CNTN1: variants seen among roughly 807,000 people sequenced by gnomAD.
CNTN1 encodes the protein contactin 1.
Under a neutral mutation model 126.4 loss-of-function variants are expected in CNTN1, and 38 were observed. The ratio of observed to expected loss-of-function variants is 0.30; its 90% CI spans 0.23 to 0.39. The LOEUF (loss-of-function observed/expected upper bound fraction) is 0.39, where lower values mean the gene tolerates loss of function less well. Ranked by LOEUF, CNTN1 falls within the 10% of genes least tolerant of loss-of-function variation. CNTN1 has a pLI of 1.00. For missense variants in CNTN1, 1,009 were observed against 1,248.4 expected (o/e 0.81, Z 2.89); for synonymous variants, 413 against 422.6 (o/e 0.98, Z 0.28).
At chr12:40,720,736 G>A (rs1423893581) in intron 1 of CNTN1, among the ~76,000 whole-genome samples, 1 of 152,024 alleles carries the variant, frequency 6.6e-6, no homozygotes, top group Non-Finnish European at 1.5e-5. Flanking sequence ...AGACCATCCT[G>A]GCCAACATGG....
At chr12:41,024,721 C>T (rs1389429495) in intron 20 of CNTN1, among the ~76,000 whole-genome samples, 2 of 152,058 alleles carry the variant, frequency 1.3e-5, no homozygotes, top group African/African-American at 4.8e-5. Context: ...AATTATATTC[C>T]TCTCCAACTG....
chr12:40,838,117 G>T (rs2136572515), intron 1 of CNTN1, among the ~76,000 whole-genome samples: 1 of 152,310 alleles, frequency 6.6e-6, no homozygotes, highest in Non-Finnish European at 1.5e-5. Context: ...GCCCGGCATT[G>T]CATCTGCAAG....
intron 15 of CNTN1, among the ~76,000 whole-genome samples, chr12:40,977,772 TTTTGTTTTGTTTTGTTTTGTTTTGTTTTG>T (rs1947717905): frequency 1.4e-5 from 2 of 145,364 alleles, no homozygotes; most frequent in African/African-American, 2.6e-5. Context: ...ATCTGTTTTG[TTTTGTTTTGTTTTGTTTTGTTTTGTTTTG>T]TTTTGTTTTG....
At chr12:40,901,859 C>T (rs4767992) in intron 1 of CNTN1, among the ~76,000 whole-genome samples, 92,191 of 152,048 alleles carry the variant, frequency 0.61, 28,256 homozygotes, top group African/African-American at 0.69. Context: ...CAATAAGCTG[C>T]TTAAACATTG....
At chr12:40,710,212 T>C (rs1591997540) in intron 1 of CNTN1, among the ~76,000 whole-genome samples, 1 of 152,074 alleles carries the variant, frequency 6.6e-6, no homozygotes, top group African/African-American at 2.4e-5. Context: ...CATTGTAGGG[T>C]TATCTGAACT....
chr12:40,904,934 C>CT (rs1216531680), intron 1 of CNTN1, among the ~76,000 whole-genome samples: 1 of 152,212 alleles, frequency 6.6e-6, no homozygotes, highest in East Asian at 1.9e-4. Context: ...TTACTGAATA[C>CT]TTTCAGTCAA....
At chr12:41,025,082 G>T in intron 20 of CNTN1, 68 bp from the exon 21 acceptor site, 1 of 1,491,656 alleles carries the variant, frequency 6.7e-7, no homozygotes, top group Non-Finnish European at 9.3e-7. Context: ...AGAACCAGTT[G>T]AAGAGAACTT....
chr12:40,714,527 G>A (rs1207072218), intron 1 of CNTN1, among the ~76,000 whole-genome samples: 1 of 152,078 alleles, frequency 6.6e-6, no homozygotes, highest in Non-Finnish European at 1.5e-5. Flanking sequence ...TAGAGGTTGA[G>A]ATCAATATTA....
At chr12:41,067,469 C>A (rs1299975240) in intron 23 of CNTN1, among the ~76,000 whole-genome samples, 3 of 151,948 alleles carry the variant, frequency 2.0e-5, no homozygotes, top group Non-Finnish European at 4.4e-5. Flanking sequence ...CAGTCATCCT[C>A]AGACAAAAAA....
intron 6 of CNTN1, among the ~76,000 whole-genome samples, chr12:40,926,240 G>A (rs74557243): frequency 0.033 from 5,007 of 149,544 alleles, 131 homozygotes; most frequent in Non-Finnish European, 0.054. Context: ...AGGGAAGTGG[G>A]GAGAGTAAGT....
intron 1 of CNTN1, among the ~76,000 whole-genome samples, chr12:40,814,075 C>T (rs1179192518): frequency 6.6e-6 from 1 of 151,984 alleles, no homozygotes; most frequent in Non-Finnish European, 1.5e-5. Flanking sequence ...CGTTTAAGTT[C>T]CCTATAAATT....
At chr12:41,038,587 G>T (rs1421495315) in intron 23 of CNTN1, among the ~76,000 whole-genome samples, 1 of 152,088 alleles carries the variant, frequency 6.6e-6, no homozygotes, top group Admixed American at 6.6e-5. Flanking sequence ...GTACTAGGGG[G>T]TTAGAACTTC....
intron 1 of CNTN1, among the ~76,000 whole-genome samples, chr12:40,693,704 C>T (rs755400380): frequency 6.6e-6 from 1 of 152,152 alleles, no homozygotes; most frequent in Non-Finnish European, 1.5e-5. Context: ...TATATAGCTC[C>T]TGCATACCCA....
At chr12:40,914,366 A>G (rs1437022677) in intron 3 of CNTN1, among the ~76,000 whole-genome samples, 2 of 152,188 alleles carry the variant, frequency 1.3e-5, no homozygotes, top group African/African-American at 4.8e-5. Context: ...CATGAGGATC[A>G]TATTCAAGAG....
intron 23 of CNTN1, among the ~76,000 whole-genome samples, chr12:41,045,505 C>T (rs1949521993): frequency 1.3e-5 from 2 of 152,084 alleles, no homozygotes; most frequent in Non-Finnish European, 2.9e-5. Context: ...CTTGAAATTT[C>T]TCATAAATAT....
At chr12:40,702,631 A>G (rs1317875449) in intron 1 of CNTN1, among the ~76,000 whole-genome samples, 2 of 152,004 alleles carry the variant, frequency 1.3e-5, no homozygotes, top group Non-Finnish European at 2.9e-5. Context: ...TTTTTAATAG[A>G]GGCCATGTTG....
At chr12:41,048,461 C>G (rs1421471151) in intron 23 of CNTN1, among the ~76,000 whole-genome samples, 3 of 152,146 alleles carry the variant, frequency 2.0e-5, no homozygotes, top group Non-Finnish European at 4.4e-5. Flanking sequence ...ACCTGCCTTT[C>G]TTTCTAAGAT....
intron 1 of CNTN1, among the ~76,000 whole-genome samples, chr12:40,807,894 A>T (rs1254614135): frequency 6.6e-6 from 1 of 151,962 alleles, no homozygotes; most frequent in Non-Finnish European, 1.5e-5. Flanking sequence ...TCCAGGAGGG[A>T]TGGGAATTTA....
intron 1 of CNTN1, among the ~76,000 whole-genome samples, chr12:40,795,885 A>G (rs1395769349): frequency 6.6e-6 from 1 of 152,128 alleles, no homozygotes; most frequent in Admixed American, 6.6e-5. Flanking sequence ...TTACTTAAGT[A>G]ATCAATGCAA....
Sources: gnomAD v4.1 joint callset for allele counts (sites outside exome capture counted in the v4.1 genomes callset) on GRCh38, gnomAD v4.1.1 for gene constraint, MANE v1.5 for transcripts, NCBI Gene and HGNC (gene_info 2026-07-23, HGNC 2026-07-21) for gene names.